Variants in CARS1 observed in about 807,000 individuals in gnomAD.
CARS1 encodes cysteinyl-tRNA synthetase 1.
A neutral mutation model predicts 106.2 loss-of-function variants in CARS1; 48 were observed. That is an observed-to-expected ratio of 0.45 (90% CI 0.36 to 0.57). CARS1 has a LOEUF of 0.57. Among genes scored for constraint, CARS1 ranks in the 20% least tolerant of loss-of-function variants. The probability of loss-of-function intolerance (pLI) is 0.00; values close to 1 mark genes in which losing one functional copy is unlikely to be tolerated. For missense variants in CARS1, 968 were observed against 1,057.2 expected (o/e 0.92, Z 1.17); for synonymous variants, 409 against 403.4 (o/e 1.01, Z -0.17).
At chr11:3,016,086 G>A (rs2134134717) in intron 16 of CARS1, among the ~76,000 whole-genome samples, 1 of 152,308 alleles carries the variant, frequency 6.6e-6, no homozygotes, top group African/African-American at 2.4e-5. Flanking sequence ...AGCCACTGGA[G>A]CCCAACAACA....
chr11:3,049,595 G>T (rs144464097), intron 1 of CARS1, among the ~76,000 whole-genome samples: 92 of 152,344 alleles, frequency 6.0e-4, no homozygotes, highest in African/African-American at 2.2e-3. Flanking sequence ...GTGGGAAAAG[G>T]ACCGATGCTT....
At position 3,012,187 on chromosome 11, in the gene CARS1, G is replaced by A. The variant is rs1408352083; in HGVS notation, c.2068+8C>T. 15 of 1,613,160 alleles carry A rather than the reference G, an allele frequency of 9.3e-6. No homozygotes were observed. In the Admixed American group the frequency reaches 2.5e-4, roughly 27 times the overall value. Reference sequence around the variant, plus strand: ...GCTCCCACACTCTTTCCAGCAACTGGTCCTCACCTTTTTGCTCTCGGGCAA... The same window carrying A: ...GCTCCCACACTCTTTCCAGCAACTGATCCTCACCTTTTTGCTCTCGGGCAA... On this transcript the variant is annotated splice_region_variant and intron_variant, in intron 18 of 22. Transcript: ENST00000380525.
At position 3,038,108 on chromosome 11, in the gene CARS1, G is replaced by A; in HGVS notation, c.743C>T (p.Pro248Leu). The A allele has an allele frequency of 1.9e-6, 3 of 1,614,158 alleles. No homozygotes were observed. The highest frequency in any genetic ancestry group is 1.7e-6 in the Non-Finnish European group (2 of 1,179,978). The change falls in exon 7 of 23, where the codon CCA (proline) becomes CTA (leucine). Residue 248 changes from proline to leucine, a missense_variant. Physicochemically the swap from Pro to Leu is moderately conservative, Grantham distance 98. Transcript: ENST00000380525. This position sits in a 1 kb window ranked among gnomAD's most constrained non-coding sequence, Gnocchi z 4.0. ...TCTGGACTGCACAGCTTTCTCAAGT[G>A]GCTCTGTGGCAAGCTGCACTGCGTG... ...IQHAVQLATE[P>L]LEKAVQSRLT...
At position 3,052,742 on chromosome 11, in the gene CARS1, C is replaced by T. The variant is rs887855999; in HGVS notation, c.25+4601G>A. ...GTGGTAGCTGCATTTAAGTGTGTCT[C>T]GAGGAAACAAATAAAAATAGGTCAG... is the stretch of plus-strand genomic sequence containing the variant. On this transcript the variant is annotated intron_variant, in intron 1 of 22. Coordinates refer to ENST00000380525, the MANE Select transcript of CARS1 (RefSeq NM_001014437.3). The surrounding 1 kb of genome is among the most constrained non-coding windows in gnomAD (Gnocchi z 4.6). 2.6e-5 allele frequency among the ~76,000 whole-genome samples: 4 copies of T among 152,048 alleles called. No homozygotes were observed. Among genetic ancestry groups the T allele is most frequent in the Admixed American group, 2.0e-4 (3 of 15,268 alleles).
chr11:3,054,226 G>T (rs1038905635), intron 1 of CARS1, among the ~76,000 whole-genome samples: 4 of 152,124 alleles, frequency 2.6e-5, no homozygotes, highest in African/African-American at 9.7e-5. Context: ...TCACAAAGGT[G>T]GCCCCCAGGC....
intron 10 of CARS1, among the ~76,000 whole-genome samples, chr11:3,026,459 A>G (rs896641743): frequency 5.3e-5 from 8 of 152,206 alleles, no homozygotes; most frequent in African/African-American, 1.9e-4. Context: ...CATAAATTGC[A>G]TAATTATTAT....
chr11:3,039,330 GA>G lies in CARS1; in HGVS notation c.553-39del. On this transcript the variant is annotated intron_variant, in intron 5 of 22. Transcript: ENST00000380525. The surrounding 1 kb of genome is among the most constrained non-coding windows in gnomAD (Gnocchi z 5.6). ...GGCAGACATTGGGGAGTGATGCTTG[GA>G]TCCCACATGCATCCCTCTGCAGCAG... 1 of 1,224,510 alleles carries G rather than the reference GA, an allele frequency of 8.2e-7. No individual in the cohort carries two copies. The highest frequency in any genetic ancestry group is 1.2e-6 in the Non-Finnish European group (1 of 825,516). The allele number at this position is 1,224,510 out of a possible 1,614,324, so 75.9% of individuals were successfully genotyped here. A position where few individuals can be genotyped will look rare whatever the true frequency, so the allele number is the denominator to read the frequency against.
intron 1 of CARS1, among the ~76,000 whole-genome samples, chr11:3,049,270 A>T (rs1186840666): frequency 6.6e-5 from 10 of 152,158 alleles, no homozygotes; most frequent in Non-Finnish European, 1.5e-4. Flanking sequence ...ACATGCCACC[A>T]GGCCCAGCTA....
intron 7 of CARS1, among the ~76,000 whole-genome samples, chr11:3,032,709 G>T (rs575173161): frequency 6.6e-6 from 1 of 151,940 alleles, no homozygotes; most frequent in African/African-American, 2.4e-5. Flanking sequence ...GCAAAACTAC[G>T]GAGACAGTAG....
chr11:3,001,273 AT>A lies in CARS1; in HGVS notation c.2362-26del, dbSNP rs1241045245. ...CCTGAAAACCCAGAGCACAGCGGCTATTGGTCTCCTCTGCACCTGGGTAACC... is the reference window on the plus strand; with the variant it reads ...CCTGAAAACCCAGAGCACAGCGGCTATGGTCTCCTCTGCACCTGGGTAACC... On this transcript the variant is annotated intron_variant, in intron 22 of 22. Transcript: ENST00000380525. 4 of 1,611,424 alleles carry A rather than the reference AT, an allele frequency of 2.5e-6. No individual in the cohort carries two copies. In the South Asian group the frequency reaches 4.4e-5, roughly 18 times the overall value.
In CARS1 at chr11:3,015,834, C is replaced by G; in HGVS notation, c.1933G>C (p.Glu645Gln). 6.2e-7 allele frequency: 1 copy of G among 1,614,172 alleles called. No individual in the cohort carries two copies. Among genetic ancestry groups the G allele is most frequent in the South Asian group, 1.1e-5 (1 of 91,080 alleles). The change falls in exon 17 of 23, where the codon GAA (glutamate) becomes CAA (glutamine). Residue 645 changes from glutamate (E) to glutamine (Q), a missense_variant. Coordinates refer to ENST00000380525, the MANE Select transcript of CARS1 (RefSeq NM_001014437.3). ...GGGAATCCCAGGGAGCTGTCCTCTT[C>G]TACGGCCCCAAAGATCTAGGAAAAG... ...THMLKIFGAV[E>Q]EDSSLGFPVG...
intron 9 of CARS1, chr11:3,027,780 C>T (rs1852250672): frequency 6.6e-6 from 3 of 453,594 alleles, no homozygotes; most frequent in Admixed American, 2.4e-5. Context: ...GTAACGCCAG[C>T]GTCTGGGAGG....
At chr11:3,055,192 G>A (rs941608702) in intron 1 of CARS1, among the ~76,000 whole-genome samples, 3 of 151,776 alleles carry the variant, frequency 2.0e-5, no homozygotes, top group Admixed American at 1.3e-4. Context: ...ACGGAGTCTC[G>A]CTCTGTCGCC....
At chr11:3,002,393 T>A in intron 21 of CARS1, 148 bp downstream of exon 21, 1 of 1,443,688 alleles carries the variant, frequency 6.9e-7, no homozygotes, top group Non-Finnish European at 9.4e-7. Context: ...TGGCAGGCCT[T>A]GGGTGGTGGA....
chr11:3,036,052 G>A (rs867869372), intron 7 of CARS1, among the ~76,000 whole-genome samples: 2 of 152,244 alleles, frequency 1.3e-5, no homozygotes, highest in Admixed American at 6.5e-5. Context: ...GGCAGAGGGT[G>A]CCTATGTGAT....
Position 3,043,388 on chromosome 11 carries a change from C to A in CARS1, c.275-1132G>T, listed in dbSNP as rs529327165. ...CCTCAGCCGGCTCCTGCCTGCCCTG[C>A]CCCCTCAGCAGATCCCCACTTTTCT... On this transcript the variant is annotated intron_variant, in intron 2 of 22. Coordinates refer to ENST00000380525, the MANE Select transcript of CARS1 (RefSeq NM_001014437.3). This position sits in a 1 kb window ranked among gnomAD's most constrained non-coding sequence, Gnocchi z 4.0. Among the ~76,000 whole-genome samples the A allele has an allele frequency of 1.3e-5, 2 of 152,042 alleles. No homozygotes were observed. The highest frequency in any genetic ancestry group is 2.9e-5 in the Non-Finnish European group (2 of 68,002).
At position 3,029,042 on chromosome 11, in the gene CARS1, G is replaced by A. The variant is rs568768232; in HGVS notation, c.985C>T (p.Pro329Ser). 1.8e-5 allele frequency: 29 copies of A among 1,613,716 alleles called. No individual in the cohort carries two copies. Among genetic ancestry groups the A allele is most frequent in the Non-Finnish European group, 2.1e-5 (25 of 1,179,804 alleles). The change falls in exon 9 of 23, where the codon CCA (proline) becomes TCA (serine). Residue 329 changes from proline to serine, a missense_variant. Pro to Ser is a moderately conservative substitution (Grantham distance 74). Coordinates refer to ENST00000380525, the MANE Select transcript of CARS1 (RefSeq NM_001014437.3). The surrounding 1 kb of genome is among the most constrained non-coding windows in gnomAD (Gnocchi z 5.9). ...TTCTGGACAAAGTTCACAATTTCTG[G>A]CACATACTCACTAACCCGGGTTAAG... ...DVLTRVSEYV[P>S]EIVNFVQKIV...
rs1037639864 is a variant in CARS1, at chr11:3,045,143, A to C, written c.274+2610T>G. 4.6e-5 allele frequency among the ~76,000 whole-genome samples: 7 copies of C among 152,126 alleles called. No homozygotes were observed. The highest frequency in any genetic ancestry group is 8.8e-5 in the Non-Finnish European group (6 of 68,024). On this transcript the variant is annotated intron_variant, in intron 2 of 22. Coordinates refer to ENST00000380525, the MANE Select transcript of CARS1 (RefSeq NM_001014437.3). This position sits in a 1 kb window ranked among gnomAD's most constrained non-coding sequence, Gnocchi z 5.6. ...CGGGTGAGAAGTGCTCAACAAGTTC[A>C]ACGTCCTGATATCCAGTGGACCTCC...
At chr11:3,031,024 T>A (rs575825381) in intron 7 of CARS1, 8 of 152,268 alleles carry the variant, frequency 5.3e-5, no homozygotes, top group African/African-American at 1.4e-4. Flanking sequence ...GATGAAATGA[T>A]GAGACTCACA....
Sources: gnomAD v4.1 joint callset for allele counts (sites outside exome capture counted in the v4.1 genomes callset) on GRCh38, gnomAD v4.1.1 for gene constraint, Gnocchi (gnomAD v3.1) non-coding constraint, MANE v1.5 for transcripts, NCBI Gene and HGNC (gene_info 2026-07-23, HGNC 2026-07-21) for gene names.